The following NYAP2 variants were observed in gnomAD, a reference collection of about 807,000 sequenced individuals.
NYAP2 encodes neuronal tyrosine-phosphorylated phosphoinositide-3-kinase adapter 2.
NYAP2 carries 23 observed loss-of-function variants against 50.4 expected under a neutral mutation model. That is an observed-to-expected ratio of 0.46 (90% CI 0.33 to 0.65). The LOEUF (loss-of-function observed/expected upper bound fraction) is 0.65, where lower values mean the gene tolerates loss of function less well. Ranked by LOEUF, NYAP2 falls within the 30% of genes least tolerant of loss-of-function variation. The pLI, the probability that NYAP2 is intolerant of heterozygous loss-of-function variation, is 0.02. For synonymous variants in NYAP2, 394 were observed against 365.2 expected (o/e 1.08, Z -0.90); for missense variants, 885 against 861.0 (o/e 1.03, Z -0.35).
chr2:225,463,527 C>G (rs1010763202), intron 3 of NYAP2, among the ~76,000 whole-genome samples: 1 of 152,232 alleles, frequency 6.6e-6, no homozygotes, highest in African/African-American at 2.4e-5. Context: ...GCAGGGGAAC[C>G]TGCCCACAAT....
chr2:225,618,036 C>T (rs1341332447), intron 5 of NYAP2, among the ~76,000 whole-genome samples: 1 of 152,090 alleles, frequency 6.6e-6, no homozygotes, highest in African/African-American at 2.4e-5. Context: ...TGACAAGTCA[C>T]ATCAGAGCAC....
chr2:225,520,264 C>G (rs1245976910), intron 4 of NYAP2, among the ~76,000 whole-genome samples: 3 of 152,006 alleles, frequency 2.0e-5, no homozygotes, highest in Non-Finnish European at 4.4e-5. Flanking sequence ...TGTGCAGAAG[C>G]TCTTTAGTTT....
intron 5 of NYAP2, among the ~76,000 whole-genome samples, chr2:225,596,429 A>C (rs1427944560): frequency 6.6e-6 from 1 of 152,178 alleles, no homozygotes; most frequent in Admixed American, 6.5e-5. Context: ...TTCTGGCATA[A>C]AGTGTATGCT....
intron 4 of NYAP2, among the ~76,000 whole-genome samples, chr2:225,537,286 T>C (rs1691368614): frequency 2.0e-5 from 3 of 152,188 alleles, no homozygotes; most frequent in Non-Finnish European, 4.4e-5. Context: ...ACTCCATCTA[T>C]ATTGTCACAA....
chr2:225,688,248 G>A, the NYAP2 span, among the ~76,000 whole-genome samples: 7 of 152,172 alleles, frequency 4.6e-5, no homozygotes, highest in Non-Finnish European at 8.8e-5. Context: ...GGTTTATAAA[G>A]CCCAGGCAAT....
At position 225,548,578 on chromosome 2, in the gene NYAP2, G is replaced by A. The variant is rs866845995; in HGVS notation, c.524-33363G>A. Among the ~76,000 whole-genome samples, 8 of 151,520 alleles carry A rather than the reference G, an allele frequency of 5.3e-5. No individual in the cohort carries two copies. In the South Asian group the frequency reaches 6.3e-4, roughly 12 times the overall value. On this transcript the variant is annotated intron_variant, in intron 4 of 6. Coordinates refer to ENST00000636099, the Ensembl canonical transcript of NYAP2. Reference sequence around the variant, plus strand: ...AAAATTATGCTCGGTGGGAGCAAACGAAGAATGCAGACAGAAGTAAATGAA... The same window carrying A: ...AAAATTATGCTCGGTGGGAGCAAACAAAGAATGCAGACAGAAGTAAATGAA...
intron 4 of NYAP2, among the ~76,000 whole-genome samples, chr2:225,516,098 G>A (rs921916742): frequency 2.6e-5 from 4 of 152,252 alleles, no homozygotes; most frequent in East Asian, 1.9e-4. Flanking sequence ...GGAGAAAATC[G>A]TGATTACTGT....
chr2:225,521,614 G>A (rs1358045832), intron 4 of NYAP2, among the ~76,000 whole-genome samples: 8 of 151,906 alleles, frequency 5.3e-5, no homozygotes, highest in Non-Finnish European at 8.8e-5. Flanking sequence ...TTGCATCCCA[G>A]GGATGAAGCC....
chr2:225,498,567 A>G (rs767971769), intron 3 of NYAP2, among the ~76,000 whole-genome samples: 247 of 127,404 alleles, frequency 1.9e-3, no homozygotes, highest in Non-Finnish European at 3.5e-3. Context: ...TTTATTTTTT[A>G]GGACTTTTTT....
At chr2:225,617,460 C>T (rs1693008887) in intron 5 of NYAP2, among the ~76,000 whole-genome samples, 1 of 151,890 alleles carries the variant, frequency 6.6e-6, no homozygotes, top group African/African-American at 2.4e-5. Flanking sequence ...AAACAGCAGT[C>T]ATGAACCACA....
chr2:225,563,256 C>G (rs180769691), intron 4 of NYAP2, among the ~76,000 whole-genome samples: 11 of 152,034 alleles, frequency 7.2e-5, no homozygotes, highest in Non-Finnish European at 1.5e-4. Flanking sequence ...GAAGATTATT[C>G]TTAGATTGAT....
chr2:225,457,841 G>C (rs1262220269), intron 3 of NYAP2, among the ~76,000 whole-genome samples: 1 of 152,318 alleles, frequency 6.6e-6, no homozygotes, highest in South Asian at 2.1e-4. Context: ...TAAACATCAT[G>C]AGAGGAAAAC....
At chr2:225,684,499 C>T in the NYAP2 span, among the ~76,000 whole-genome samples, 1 of 150,606 alleles carries the variant, frequency 6.6e-6, no homozygotes, top group African/African-American at 2.4e-5. Context: ...TTCTCTCTTA[C>T]TATGTAATCT....
chr2:225,432,130 A>C (rs992525753), intron 3 of NYAP2, among the ~76,000 whole-genome samples: 1 of 142,638 alleles, frequency 7.0e-6, no homozygotes, highest in African/African-American at 2.6e-5. Context: ...CATGCCTGCC[A>C]CCACGCCCGC....
chr2:225,574,766 GTGTT>G (rs1692142356), intron 4 of NYAP2, among the ~76,000 whole-genome samples: 1 of 152,176 alleles, frequency 6.6e-6, no homozygotes, highest in South Asian at 2.1e-4. Context: ...TTGTGGCACA[GTGTT>G]TGTGAGATGC....
At chr2:225,454,118 A>G (rs1223091895) in intron 3 of NYAP2, among the ~76,000 whole-genome samples, 1 of 151,950 alleles carries the variant, frequency 6.6e-6, no homozygotes, top group Non-Finnish European at 1.5e-5. Context: ...GAGCCCAGGA[A>G]TTTGAGACCA....
At chr2:225,581,870 C>T (rs1692274784) in intron 4 of NYAP2, 71 bp from the exon 5 acceptor site, 1 of 1,434,534 alleles carries the variant, frequency 7.0e-7, no homozygotes, top group African/African-American at 1.4e-5. Flanking sequence ...TGTAGTAAAC[C>T]CACATGCAAA....
At chr2:225,634,359 A>G (rs1574721616) in intron 6 of NYAP2, among the ~76,000 whole-genome samples, 1 of 152,118 alleles carries the variant, frequency 6.6e-6, no homozygotes, top group East Asian at 1.9e-4. Context: ...CCCTCACGTG[A>G]CAACCAGTAT....
chr2:225,444,505 C>A (rs560729274), intron 3 of NYAP2, among the ~76,000 whole-genome samples: 1 of 152,178 alleles, frequency 6.6e-6, no homozygotes, highest in African/African-American at 2.4e-5. Context: ...TATACACACA[C>A]ATTCACACCA....
Sources: allele counts gnomAD v4.1 joint callset (sites outside exome capture counted in the v4.1 genomes callset), GRCh38; gene constraint gnomAD v4.1.1; transcripts MANE v1.5; gene names NCBI Gene and HGNC (gene_info 2026-07-23, HGNC 2026-07-21).